Variants in DMD observed in about 807,000 individuals in gnomAD.
DMD encodes the protein dystrophin.
In DMD, 63 loss-of-function variants were observed where a neutral mutation model predicts 330.1. The ratio of observed to expected loss-of-function variants is 0.19; its 90% CI spans 0.16 to 0.24. The LOEUF is 0.24. Ranked by LOEUF, DMD falls within the 10% of genes least tolerant of loss-of-function variation. The probability of loss-of-function intolerance (pLI) is 1.00; values close to 1 mark genes in which losing one functional copy is unlikely to be tolerated. For missense variants in DMD, 3,344 were observed against 2,684.1 expected (o/e 1.25, Z -5.43); for synonymous variants, 1,223 against 959.8 (o/e 1.27, Z -5.07).
chrX:31,523,950 T>C (rs904894731), intron 55 of DMD, among the ~76,000 whole-genome samples: 2 of 112,298 alleles, frequency 1.8e-5, no homozygotes, highest in African/African-American at 6.5e-5. Context: ...GGTATAGTTA[T>C]TTTTAAATGA....
At chrX:33,281,212 T>A (rs958314658) in intron 1 of DMD, among the ~76,000 whole-genome samples, 1 of 99,203 alleles carries the variant, frequency 1.0e-5, no homozygotes, top group African/African-American at 3.9e-5. Context: ...GCTATTGCAT[T>A]TTTTTTTTTT....
Position 32,655,847 on chromosome X carries a change from G to C in DMD, c.961-10695C>G, listed in dbSNP as rs140936529. Among the ~76,000 whole-genome samples the C allele has an allele frequency of 1.8e-4, 20 of 111,385 alleles. No individual in the cohort carries two copies. In the East Asian group the frequency reaches 5.1e-3, roughly 28 times the overall value. ...CCTGAATTGGGTGCATATATATTTA[G>C]GATAGTTAGCTCTTCTTGTTGAATT... On this transcript the variant is annotated intron_variant, in intron 9 of 78. Coordinates refer to ENST00000357033, the MANE Select transcript of DMD (RefSeq NM_004006.3).
intron 74 of DMD, among the ~76,000 whole-genome samples, chrX:31,152,034 T>C (rs776725087): frequency 8.9e-6 from 1 of 112,525 alleles, no homozygotes; most frequent in African/African-American, 3.2e-5. Flanking sequence ...GTCTAGAATT[T>C]ATCCTGTATA....
At chrX:32,731,653 C>T (rs1286125551) in intron 7 of DMD, among the ~76,000 whole-genome samples, 1 of 112,137 alleles carries the variant, frequency 8.9e-6, no homozygotes, top group African/African-American at 3.2e-5. Context: ...AAGGGGCATA[C>T]TGACACCTCA....
intron 60 of DMD, among the ~76,000 whole-genome samples, chrX:31,363,372 C>CT (rs752548187): frequency 0.024 from 1,245 of 51,885 alleles, 162 homozygotes; most frequent in African/African-American, 0.048. Flanking sequence ...AGACATGTAT[C>CT]TTTTTTTTTT....
chrX:32,867,854 T>C (rs989850501), intron 2 of DMD, among the ~76,000 whole-genome samples: 1 of 111,568 alleles, frequency 9.0e-6, no homozygotes, highest in Non-Finnish European at 1.9e-5. Flanking sequence ...ATTAACCTTC[T>C]CTTGATTTTA....
intron 1 of DMD, among the ~76,000 whole-genome samples, chrX:33,322,954 C>T (rs1167438963): frequency 9.0e-6 from 1 of 110,946 alleles, no homozygotes; most frequent in East Asian, 2.9e-4. Flanking sequence ...AAAGTGGCCT[C>T]AAACATTCTA....
At chrX:31,393,918 G>A (rs761276966) in intron 60 of DMD, among the ~76,000 whole-genome samples, 2 of 112,112 alleles carry the variant, frequency 1.8e-5, no homozygotes, top group Admixed American at 9.4e-5. Flanking sequence ...GTTAAACACT[G>A]TTACTGTTAG....
At chrX:31,566,834 C>T (rs5972409) in intron 55 of DMD, among the ~76,000 whole-genome samples, 1,923 of 111,772 alleles carry the variant, frequency 0.017, 17 homozygotes, top group East Asian at 0.035. Context: ...TTTATACCTA[C>T]GTATTTCATT....
At position 33,145,001 on chromosome X, in the gene DMD, T is replaced by C. The variant is rs181202944; in HGVS notation, c.31+66281A>G. Among the ~76,000 whole-genome samples, 398 of 112,094 alleles carry C rather than the reference T, an allele frequency of 3.6e-3. 1 individual carries two copies. The highest frequency in any genetic ancestry group is 5.0e-3 in the Non-Finnish European group (266 of 53,201). On this transcript the variant is annotated intron_variant, in intron 1 of 78. Coordinates refer to ENST00000357033, the MANE Select transcript of DMD (RefSeq NM_004006.3). ...AGTTGAAATACGTTCACTAAGGTTC[T>C]TTTTTGCATAAGACCTGTATAGAAT...
At chrX:33,288,313 C>T (rs1168801727) in intron 1 of DMD, among the ~76,000 whole-genome samples, 1 of 111,431 alleles carries the variant, frequency 9.0e-6, no homozygotes, top group Non-Finnish European at 1.9e-5. Flanking sequence ...GCCATATTTC[C>T]GAATAGGTTA....
Position 31,380,004 on chromosome X carries a change from C to G in DMD, c.9085-31370G>C, listed in dbSNP as rs1376859678. Among the ~76,000 whole-genome samples the G allele has an allele frequency of 1.6e-4, 18 of 111,614 alleles. 1 individual carries two copies. The South Asian group carries it at 5.0e-3, about 31-fold the overall frequency. Reference sequence around the variant, plus strand: ...GCTGCCCGATTGCCTCAGAAGCCCCCTAGACCATCACAGATGCCGATCTTC... The same window carrying G: ...GCTGCCCGATTGCCTCAGAAGCCCCGTAGACCATCACAGATGCCGATCTTC... On this transcript the variant is annotated intron_variant, in intron 60 of 78. Coordinates refer to ENST00000357033, the MANE Select transcript of DMD (RefSeq NM_004006.3).
chrX:31,507,210 T>C, intron 56 of DMD, 71 bp downstream of exon 56: 1 of 1,050,181 alleles, frequency 9.5e-7, no homozygotes, highest in Non-Finnish European at 1.3e-6. Flanking sequence ...CAGTTACTTG[T>C]GCTAAGACAA....
At chrX:32,870,974 A>AAAAAAAAAG (rs2082923306) in intron 2 of DMD, among the ~76,000 whole-genome samples, 1 of 78,178 alleles carries the variant, frequency 1.3e-5, no homozygotes, top group Non-Finnish European at 2.5e-5. Flanking sequence ...AAAAAAAAAA[A>AAAAAAAAAG]AAAAAAAAAA....
intron 1 of DMD, among the ~76,000 whole-genome samples, chrX:33,051,313 G>A (rs900956129): frequency 9.4e-6 from 1 of 106,234 alleles, no homozygotes; most frequent in Non-Finnish European, 1.9e-5. Context: ...CTGGGTCCAA[G>A]CGATTCTTCT....
chrX:32,427,893 T>G (rs2098219632), intron 29 of DMD, among the ~76,000 whole-genome samples: 1 of 111,673 alleles, frequency 9.0e-6, no homozygotes, highest in Admixed American at 9.5e-5. Context: ...GTTTCTAAAC[T>G]TATTTGCATA....
chrX:33,187,818 T>C (rs780801997), intron 1 of DMD, among the ~76,000 whole-genome samples: 2 of 111,830 alleles, frequency 1.8e-5, no homozygotes, highest in East Asian at 5.6e-4. Flanking sequence ...TACATATGTA[T>C]TGGTAGATTT....
At chrX:31,938,404 C>T (rs1452270057) in intron 45 of DMD, among the ~76,000 whole-genome samples, 2 of 111,826 alleles carry the variant, frequency 1.8e-5, no homozygotes, top group Non-Finnish European at 3.8e-5. Flanking sequence ...ACAATGATCA[C>T]CTGTTTACAT....
At chrX:32,614,747 G>T (rs769788403) in intron 11 of DMD, among the ~76,000 whole-genome samples, 1 of 111,320 alleles carries the variant, frequency 9.0e-6, no homozygotes, top group Non-Finnish European at 1.9e-5. Context: ...GTATATTTTG[G>T]CAGTTGTTCG....
Sources: gnomAD v4.1 joint callset for allele counts (sites outside exome capture counted in the v4.1 genomes callset) on GRCh38, gnomAD v4.1.1 for gene constraint, MANE v1.5 for transcripts, NCBI Gene and HGNC (gene_info 2026-07-23, HGNC 2026-07-21) for gene names.